RSU1: variants seen among roughly 807,000 people sequenced by gnomAD.
RSU1 encodes rsu-1.
A neutral mutation model predicts 31.1 loss-of-function variants in RSU1; 26 were observed. The ratio of observed to expected loss-of-function variants is 0.84; its 90% CI spans 0.61 to 1.16. The LOEUF is 1.16. RSU1 is among the 50% of genes most tolerant of loss of function. The pLI is 0.00. For missense variants in RSU1, 320 were observed against 339.1 expected, an observed-to-expected ratio of 0.94 and a Z score of 0.44; for synonymous variants, 164 against 136.3, an observed-to-expected ratio of 1.20 and a Z score of -1.41.
intron 8 of RSU1, among the ~76,000 whole-genome samples, chr10:16,636,372 C>T (rs917533621): frequency 6.6e-6 from 1 of 152,142 alleles, no homozygotes; most frequent in Non-Finnish European, 1.5e-5. Flanking sequence ...TCCTCTCCTT[C>T]TCTCCCAACC....
chr10:16,759,025 ATC>A (rs929637126), intron 4 of RSU1, among the ~76,000 whole-genome samples: 2 of 152,176 alleles, frequency 1.3e-5, no homozygotes, highest in African/African-American at 4.8e-5. Flanking sequence ...CTATTTCAGC[ATC>A]TTTTTTCCTT....
intron 7 of RSU1, among the ~76,000 whole-genome samples, chr10:16,749,124 C>G (rs972534943): frequency 5.3e-5 from 8 of 152,120 alleles, no homozygotes; most frequent in African/African-American, 1.4e-4. Context: ...AATGGGTACA[C>G]GAGACTCAAC....
chr10:16,662,952 G>A (rs558394102), intron 8 of RSU1, among the ~76,000 whole-genome samples: 50 of 150,582 alleles, frequency 3.3e-4, no homozygotes, highest in Non-Finnish European at 5.7e-4. Context: ...TCATAATTTC[G>A]GGGGCATCTC....
intron 8 of RSU1, among the ~76,000 whole-genome samples, chr10:16,649,704 C>T (rs3842930): frequency 0.28 from 42,907 of 151,978 alleles, 6,178 homozygotes; most frequent in East Asian, 0.32. Flanking sequence ...AAAAATTCTC[C>T]GTACAAAAAA....
At chr10:16,793,255 A>G (rs1200170437) in intron 2 of RSU1, among the ~76,000 whole-genome samples, 1 of 152,218 alleles carries the variant, frequency 6.6e-6, no homozygotes, top group East Asian at 1.9e-4. Context: ...AAAACACTTG[A>G]AATTTTGAAT....
intron 8 of RSU1, among the ~76,000 whole-genome samples, chr10:16,596,227 T>C (rs1332539233): frequency 2.0e-5 from 3 of 152,108 alleles, no homozygotes; most frequent in African/African-American, 7.2e-5. Context: ...TATGTTACCT[T>C]ACATGACAAA....
At chr10:16,611,900 G>A (rs1403819534) in intron 8 of RSU1, among the ~76,000 whole-genome samples, 2 of 152,218 alleles carry the variant, frequency 1.3e-5, no homozygotes, top group African/African-American at 4.8e-5. Context: ...ACAGCAGACT[G>A]GTAGAAATGA....
intron 2 of RSU1, among the ~76,000 whole-genome samples, chr10:16,785,685 A>G (rs1837777336): frequency 2.6e-5 from 4 of 151,606 alleles, no homozygotes. Context: ...ACACGGATCC[A>G]AACCATATCA....
rs573146744 is a variant in RSU1, at chr10:16,753,299, C to T, written c.401-299G>A. 2.6e-5 allele frequency among the ~76,000 whole-genome samples: 4 copies of T among 152,352 alleles called. No individual in the cohort carries two copies. The South Asian group carries it at 8.3e-4, about 32-fold the overall frequency. ...TTTCAGAAAAGATTGCTATACTTCTCATAGATTACTTTTGATTCACATTTA... is the reference window on the plus strand; with the variant it reads ...TTTCAGAAAAGATTGCTATACTTCTTATAGATTACTTTTGATTCACATTTA... On this transcript the variant is annotated intron_variant, in intron 5 of 8. Transcript: ENST00000345264.
intron 7 of RSU1, among the ~76,000 whole-genome samples, chr10:16,717,522 A>G (rs1399888980): frequency 6.6e-6 from 1 of 152,228 alleles, no homozygotes; most frequent in Admixed American, 6.5e-5. Context: ...AAAGAAAACC[A>G]CAACTATCTG....
intron 7 of RSU1, among the ~76,000 whole-genome samples, chr10:16,725,130 T>C (rs1044745238): frequency 2.0e-5 from 3 of 152,240 alleles, no homozygotes; most frequent in African/African-American, 7.2e-5. Context: ...TTCGCTGAAC[T>C]ATAAGCTTAT....
At position 16,773,715 on chromosome 10, in the gene RSU1, G is replaced by A. The variant is rs1266346581; in HGVS notation, c.160+8319C>T. On this transcript the variant is annotated intron_variant, in intron 3 of 8. Transcript: ENST00000345264. Reference sequence around the variant, plus strand: ...CACTTCCTGCTGAAGTTATTATATAGGTGTTGTTCTTGATGGTCCCACAGG... The same window carrying A: ...CACTTCCTGCTGAAGTTATTATATAAGTGTTGTTCTTGATGGTCCCACAGG... 2.0e-5 allele frequency among the ~76,000 whole-genome samples: 3 copies of A among 152,088 alleles called. No homozygotes were observed. In the East Asian group the frequency reaches 5.8e-4, roughly 29 times the overall value.
At chr10:16,656,853 C>T (rs1410856753) in intron 8 of RSU1, among the ~76,000 whole-genome samples, 1 of 152,210 alleles carries the variant, frequency 6.6e-6, no homozygotes, top group Non-Finnish European at 1.5e-5. Context: ...AAATTCCCCA[C>T]TTCCACTATT....
At chr10:16,657,032 T>C (rs1263742138) in intron 8 of RSU1, among the ~76,000 whole-genome samples, 1 of 152,186 alleles carries the variant, frequency 6.6e-6, no homozygotes, top group Non-Finnish European at 1.5e-5. Flanking sequence ...CTGAGAAAAC[T>C]GGTTCTTTAT....
At chr10:16,631,775 T>C (rs1473865808) in intron 8 of RSU1, among the ~76,000 whole-genome samples, 1 of 152,194 alleles carries the variant, frequency 6.6e-6, no homozygotes, top group Non-Finnish European at 1.5e-5. Context: ...CCCAACTTCT[T>C]TGTCCCTAAG....
At chr10:16,655,635 A>G (rs1834763987) in intron 8 of RSU1, among the ~76,000 whole-genome samples, 2 of 152,344 alleles carry the variant, frequency 1.3e-5, no homozygotes, top group Non-Finnish European at 2.9e-5. Context: ...GCATATGCCT[A>G]TAATACAGGC....
rs57657837 is a variant in RSU1 at position 16,799,506 on chromosome 10, AAAC to A, written c.110-17425_110-17423del. 8.9e-3 allele frequency among the ~76,000 whole-genome samples: 1,347 copies of A among 151,704 alleles called. 15 individuals are homozygous for A. The highest frequency in any genetic ancestry group is 0.031 in the African/African-American group (1,262 of 41,252). ...GTGGTAAACTAATTTGAGAGATTAAAAACAACAACAACAACAACAAAAACAACA... is the reference window on the plus strand; with the variant it reads ...GTGGTAAACTAATTTGAGAGATTAAAAACAACAACAACAACAAAAACAACA... On this transcript the variant is annotated intron_variant, in intron 2 of 8. Transcript: ENST00000345264.
chr10:16,612,766 C>T (rs534808184), intron 8 of RSU1, among the ~76,000 whole-genome samples: 25 of 152,308 alleles, frequency 1.6e-4, no homozygotes, highest in African/African-American at 5.3e-4. Context: ...GTCAGCTCTT[C>T]GTTACCCAGA....
chr10:16,597,083 C>A (rs889320569), intron 8 of RSU1, among the ~76,000 whole-genome samples: 3 of 152,198 alleles, frequency 2.0e-5, no homozygotes, highest in African/African-American at 7.2e-5. Flanking sequence ...GGAAACCTAG[C>A]AATACCCGAG....
Sources: gnomAD v4.1 joint callset for allele counts (sites outside exome capture counted in the v4.1 genomes callset) on GRCh38, gnomAD v4.1.1 for gene constraint, MANE v1.5 for transcripts, NCBI Gene and HGNC (gene_info 2026-07-23, HGNC 2026-07-21) for gene names.